GPC5: variants seen among roughly 807,000 people sequenced by gnomAD.
The protein encoded by GPC5 is glypican-5.
In GPC5, 47 loss-of-function variants were observed where a neutral mutation model predicts 53.9. That is an observed-to-expected ratio of 0.87 (90% CI 0.69 to 1.11). GPC5 has a LOEUF of 1.11. GPC5 is among the 50% of genes most tolerant of loss of function. The pLI is 0.00. For missense variants in GPC5, 748 were observed against 713.1 expected (o/e 1.05, Z -0.56); for synonymous variants, 286 against 263.3 (o/e 1.09, Z -0.84).
At position 91,594,871 on chromosome 13, in the gene GPC5, A is replaced by G. The variant is rs138900566; in HGVS notation, c.326-98316A>G. Among the ~76,000 whole-genome samples the G allele has an allele frequency of 6.5e-3, 981 of 151,966 alleles. 13 individuals are homozygous for G. Among genetic ancestry groups the G allele is most frequent in the African/African-American group, 0.023 (934 of 41,446 alleles). On this transcript the variant is annotated intron_variant, in intron 2 of 7. Transcript: ENST00000377067. ...TATTTTTTTGTAGAGATGGGGTCTC[A>G]CTATGTTACCCAGGCTGGTCTCCAA...
chr13:91,970,701 T>C (rs895568565), intron 6 of GPC5, among the ~76,000 whole-genome samples: 1 of 152,196 alleles, frequency 6.6e-6, no homozygotes, highest in African/African-American at 2.4e-5. Context: ...GTCAAAGGCC[T>C]TTTCTGCATC....
In GPC5 at chr13:92,047,806, T is replaced by TG. The variant is rs1555306888; in HGVS notation, c.1402-97024_1402-97023insG. 2.6e-3 allele frequency among the ~76,000 whole-genome samples: 260 copies of TG among 98,790 alleles called. 3 individuals carry two copies. Among genetic ancestry groups the TG allele is most frequent in the South Asian group, 0.011 (30 of 2,700 alleles). The allele number at this position is 98,790 out of a possible 152,430, so 64.8% of individuals were successfully genotyped here. On this transcript the variant is annotated intron_variant, in intron 6 of 7. Transcript: ENST00000377067. Reference sequence around the variant, plus strand: ...TAACATGGTGAAACTCTGTCTCTACTAAAAAAAAAAAAAAAAAAAAAGAAA... The same window carrying TG: ...TAACATGGTGAAACTCTGTCTCTACTGAAAAAAAAAAAAAAAAAAAAAGAAA...
intron 7 of GPC5, among the ~76,000 whole-genome samples, chr13:92,639,324 A>T (rs1230325429): frequency 6.6e-6 from 1 of 152,216 alleles, no homozygotes; most frequent in Non-Finnish European, 1.5e-5. Context: ...CTTCTAAAAA[A>T]CTATCAAATC....
chr13:92,415,528 GC>G (rs1434695960), intron 7 of GPC5, among the ~76,000 whole-genome samples: 6 of 152,140 alleles, frequency 3.9e-5, no homozygotes, highest in Admixed American at 3.9e-4. Flanking sequence ...ATCAACACTG[GC>G]TGAGGACTAG....
At chr13:92,279,593 G>A (rs1368513677) in intron 7 of GPC5, among the ~76,000 whole-genome samples, 2 of 151,816 alleles carry the variant, frequency 1.3e-5, no homozygotes, top group Admixed American at 6.6e-5. Context: ...CTTCACCATT[G>A]AGTAGGCTGG....
At chr13:92,117,225 T>C (rs1012504907) in intron 6 of GPC5, among the ~76,000 whole-genome samples, 1 of 152,228 alleles carries the variant, frequency 6.6e-6, no homozygotes, top group Non-Finnish European at 1.5e-5. Flanking sequence ...AGATGTCCAA[T>C]AGTTCTAGCA....
At chr13:91,674,696 G>GTA (rs2035340978) in intron 2 of GPC5, among the ~76,000 whole-genome samples, 1 of 146,724 alleles carries the variant, frequency 6.8e-6, no homozygotes, top group Non-Finnish European at 1.5e-5. Flanking sequence ...GTATATATAT[G>GTA]TATATATATT....
At chr13:91,831,210 G>C (rs933440602) in intron 5 of GPC5, among the ~76,000 whole-genome samples, 3 of 150,774 alleles carry the variant, frequency 2.0e-5, no homozygotes, top group African/African-American at 7.3e-5. Flanking sequence ...GCCAGTCCGA[G>C]TGAGTCCCAA....
At chr13:92,298,205 G>T (rs541024910) in intron 7 of GPC5, among the ~76,000 whole-genome samples, 16 of 152,126 alleles carry the variant, frequency 1.1e-4, no homozygotes, top group Non-Finnish European at 1.9e-4. Context: ...CTGTTTCCAG[G>T]CAGTGGGGGA....
intron 2 of GPC5, among the ~76,000 whole-genome samples, chr13:91,484,200 C>T (rs79665859): frequency 6.6e-6 from 1 of 152,246 alleles, no homozygotes; most frequent in Non-Finnish European, 1.5e-5. Flanking sequence ...AGGACTTTGA[C>T]ATCGTGAGAA....
chr13:91,968,057 T>A (rs911883282), intron 6 of GPC5, among the ~76,000 whole-genome samples: 1 of 152,146 alleles, frequency 6.6e-6, no homozygotes, highest in Non-Finnish European at 1.5e-5. Context: ...GTAATGATAT[T>A]AACTTTCATT....
chr13:91,978,213 A>G (rs543902927), intron 6 of GPC5, among the ~76,000 whole-genome samples: 1 of 152,332 alleles, frequency 6.6e-6, no homozygotes, highest in East Asian at 1.9e-4. Context: ...AGATAGAGGT[A>G]CAATTTTGCC....
chr13:91,495,025 T>C (rs972460975), intron 2 of GPC5, among the ~76,000 whole-genome samples: 1 of 152,238 alleles, frequency 6.6e-6, no homozygotes, highest in Non-Finnish European at 1.5e-5. Flanking sequence ...TTTGAATTTC[T>C]AATAGATATC....
intron 7 of GPC5, among the ~76,000 whole-genome samples, chr13:92,200,746 T>C (rs189030914): frequency 1.3e-5 from 2 of 152,242 alleles, no homozygotes; most frequent in African/African-American, 4.8e-5. Flanking sequence ...GACCAATTAT[T>C]GTAGCTAAAG....
chr13:92,271,630 G>A (rs1379927615), intron 7 of GPC5, among the ~76,000 whole-genome samples: 1 of 152,184 alleles, frequency 6.6e-6, no homozygotes, highest in East Asian at 1.9e-4. Context: ...TAGTAAGGAT[G>A]TAAGGCATAA....
chr13:92,614,930 A>G (rs1233779445), intron 7 of GPC5, among the ~76,000 whole-genome samples: 3 of 152,252 alleles, frequency 2.0e-5, no homozygotes, highest in Non-Finnish European at 4.4e-5. Flanking sequence ...GAAGGGAAAC[A>G]TATTGATGTA....
At chr13:91,726,871 T>C (rs1186958866) in intron 3 of GPC5, among the ~76,000 whole-genome samples, 1 of 152,234 alleles carries the variant, frequency 6.6e-6, no homozygotes, top group African/African-American at 2.4e-5. Context: ...GCGCTTTCCC[T>C]GCTTGGAAGC....
intron 7 of GPC5, among the ~76,000 whole-genome samples, chr13:92,726,391 A>ATTGT (rs746875698): frequency 6.6e-6 from 1 of 151,064 alleles, no homozygotes; most frequent in African/African-American, 2.4e-5. Flanking sequence ...GTGTTTGTTT[A>ATTGT]TTGTTTGTTT....
At chr13:92,668,317 G>A (rs1886639393) in intron 7 of GPC5, among the ~76,000 whole-genome samples, 1 of 152,032 alleles carries the variant, frequency 6.6e-6, no homozygotes. Flanking sequence ...TTATATTTAT[G>A]CATAACAGAA....
Sources: gnomAD v4.1 joint callset for allele counts (sites outside exome capture counted in the v4.1 genomes callset) on GRCh38, gnomAD v4.1.1 for gene constraint, MANE v1.5 for transcripts, NCBI Gene and HGNC (gene_info 2026-07-23, HGNC 2026-07-21) for gene names.